GOLGA4: variants seen among roughly 807,000 people sequenced by gnomAD.
GOLGA4 encodes golgin subfamily A member 4.
Under a neutral mutation model 265.9 loss-of-function variants are expected in GOLGA4, and 169 were observed. The observed-to-expected ratio is 0.64, with a 90% CI of 0.56 to 0.72. GOLGA4 has a LOEUF of 0.72. Ranked by LOEUF, GOLGA4 falls within the 30% of genes least tolerant of loss-of-function variation. The pLI, the probability that GOLGA4 is intolerant of heterozygous loss-of-function variation, is 0.00. For synonymous variants in GOLGA4, 923 were observed against 855.8 expected (o/e 1.08, Z -1.37); for missense variants, 2,482 against 2,483.4 (o/e 1.00, Z 0.01).
intron 22 of GOLGA4, among the ~76,000 whole-genome samples, chr3:37,357,645 A>G (rs977463411): frequency 2.0e-5 from 3 of 152,182 alleles, no homozygotes; most frequent in Non-Finnish European, 4.4e-5. Context: ...TCACGAGTAT[A>G]AGAAAGTTGA....
In GOLGA4 at chr3:37,324,190, G is replaced by A. The variant is rs1236043935; in HGVS notation, c.2304G>A (p.Arg768=). Residue 768 remains arginine (R), a synonymous_variant, in exon 14 of 24, where the codon AGG becomes AGA. Coordinates refer to ENST00000361924, the MANE Select transcript of GOLGA4 (RefSeq NM_002078.5). Reference sequence around the variant, plus strand: ...AACTTGAGCTTCTCTTGAAGGAAAGGGACAAGCATTTGAAAGAGCATCAGG... The same window carrying A: ...AACTTGAGCTTCTCTTGAAGGAAAGAGACAAGCATTTGAAAGAGCATCAGG... ...INQLELLLKE[R]DKHLKEHQAH... 6.2e-7 allele frequency: 1 copy of A among 1,614,004 alleles called. No individual in the cohort carries two copies. Among genetic ancestry groups the A allele is most frequent in the African/African-American group, 1.3e-5 (1 of 74,904 alleles).
chr3:37,287,066 CGTG>C (rs1237328562), intron 4 of GOLGA4, among the ~76,000 whole-genome samples: 2 of 152,270 alleles, frequency 1.3e-5, no homozygotes, highest in East Asian at 3.9e-4. Context: ...GTTGGCCAGG[CGTG>C]GTGGCTCACG....
Position 37,272,920 on chromosome 3 carries a change from A to G in GOLGA4, c.163-9038A>G, listed in dbSNP as rs114506669. Among the ~76,000 whole-genome samples, 411 of 152,344 alleles carry G rather than the reference A, an allele frequency of 2.7e-3. 3 individuals carry two copies. Among genetic ancestry groups the G allele is most frequent in the African/African-American group, 9.5e-3 (395 of 41,576 alleles). ...CATCTAGTATCATGAAATCTATGCCAGTATGATGTAATCAGTAGAATGTTG... is the reference window on the plus strand; with the variant it reads ...CATCTAGTATCATGAAATCTATGCCGGTATGATGTAATCAGTAGAATGTTG... On this transcript the variant is annotated intron_variant, in intron 2 of 23. Transcript: ENST00000361924.
rs2096971590 is a variant in GOLGA4, at chr3:37,326,588, C to T, written c.4702C>T (p.His1568Tyr). ...EHKELVQKLQ[H>Y]FQELGEEKDN... The stretch of plus-strand genomic sequence containing the variant: ...CAAAGAATTGGTTCAGAAACTTCAA[C>T]ATTTTCAAGAGTTAGGAGAAGAAAA... Residue 1568 changes from histidine (H) to tyrosine (Y), a missense_variant, in exon 14 of 24, where the codon CAT (histidine) becomes TAT (tyrosine). Physicochemically the swap from His to Tyr is moderately conservative, Grantham distance 83. Transcript: ENST00000361924. 1 of 1,613,134 alleles carries T rather than the reference C, an allele frequency of 6.2e-7. No individual in the cohort carries two copies. Among genetic ancestry groups the T allele is most frequent in the Non-Finnish European group, 8.5e-7 (1 of 1,179,518 alleles).
chr3:37,297,415 CAGAA>C (rs527982766), intron 7 of GOLGA4, among the ~76,000 whole-genome samples: 37 of 152,318 alleles, frequency 2.4e-4, no homozygotes, highest in African/African-American at 8.2e-4. Flanking sequence ...GAACTCCTCT[CAGAA>C]AGAGATTAGA....
At position 37,326,429 on chromosome 3, in the gene GOLGA4, A is replaced by C. The variant is rs767204687; in HGVS notation, c.4543A>C (p.Asn1515His). ...GAGCAAGATGGAGAAAAAGGAGTCT[A>C]ATTTAGAAACAGAGTTAAAGTCTCA... is the stretch of plus-strand genomic sequence containing the variant. The part of the protein sequence containing the change: ...DKSKMEKKES[N>H]LETELKSQTA... The change falls in exon 14 of 24, where the codon AAT (asparagine) becomes CAT (histidine). Residue 1515 changes from asparagine to histidine, a missense_variant. This residue lies in a region of GOLGA4 where 942 missense variants were observed against 983.1 expected (regional missense o/e 0.96). Coordinates refer to ENST00000361924, the MANE Select transcript of GOLGA4 (RefSeq NM_002078.5). The C allele has an allele frequency of 1.2e-6, 2 of 1,612,342 alleles. No homozygotes were observed. The highest frequency in any genetic ancestry group is 2.7e-5 in the African/African-American group (2 of 74,866).
At chr3:37,348,798 G>T (rs2097064319) in intron 21 of GOLGA4, among the ~76,000 whole-genome samples, 2 of 152,132 alleles carry the variant, frequency 1.3e-5, no homozygotes, top group South Asian at 2.1e-4. Flanking sequence ...TCTTCTGAAG[G>T]TTATGAATGT....
intron 3 of GOLGA4, among the ~76,000 whole-genome samples, chr3:37,283,932 A>T (rs1184432403): frequency 6.6e-6 from 1 of 152,160 alleles, no homozygotes; most frequent in Non-Finnish European, 1.5e-5. Context: ...TAACTTGCTT[A>T]TGTTGCCTGG....
At chr3:37,296,348 C>G in intron 7 of GOLGA4, 129 bp downstream of exon 7, 1 of 801,716 alleles carries the variant, frequency 1.2e-6, no homozygotes, top group South Asian at 1.9e-5. Flanking sequence ...GAGTTTGAGA[C>G]CAGCCTGGGC....
chr3:37,282,832 G>GGAAC (rs2096838426), intron 3 of GOLGA4, among the ~76,000 whole-genome samples: 2 of 152,206 alleles, frequency 1.3e-5, no homozygotes, highest in Admixed American at 6.5e-5. Flanking sequence ...GAGGAAGGAA[G>GGAAC]TCAATGCTAG....
At chr3:37,279,690 T>C (rs1303994522) in intron 2 of GOLGA4, among the ~76,000 whole-genome samples, 3 of 152,178 alleles carry the variant, frequency 2.0e-5, no homozygotes, top group South Asian at 4.1e-4. Context: ...GCAGATCACC[T>C]GAGGTCAGGA....
Position 37,329,016 on chromosome 3 carries a change from A to G in GOLGA4, c.6115A>G (p.Asn2039Asp). The change falls in exon 16 of 24, where the codon AAT becomes GAT. Residue 2039 changes from asparagine to aspartate, a missense_variant. This residue lies in a region of GOLGA4 where 942 missense variants were observed against 983.1 expected (regional missense o/e 0.96). Transcript: ENST00000361924. ...TTTAGAAAGCCATCAAGAAGAGACA[A>G]ATCAGTTACTTAAAAAAATTGCTGA... ...ELLESHQEET[N>D]QLLKKIAEKD... 1 of 1,610,992 alleles carries G rather than the reference A, an allele frequency of 6.2e-7. No individual in the cohort carries two copies. Among genetic ancestry groups the G allele is most frequent in the Non-Finnish European group, 8.5e-7 (1 of 1,178,132 alleles).
intron 23 of GOLGA4, among the ~76,000 whole-genome samples, chr3:37,362,430 CGG>C (rs1429272961): frequency 6.6e-6 from 1 of 151,006 alleles, no homozygotes; most frequent in Non-Finnish European, 1.5e-5. Context: ...TTAGTAGAGA[CGG>C]GGTTTCACCG....
chr3:37,361,152 ATC>A, intron 22 of GOLGA4, 89 bp from the exon 23 acceptor site: 1 of 995,292 alleles, frequency 1.0e-6, no homozygotes, highest in Admixed American at 1.7e-5. Context: ...ACAGTCTGTA[ATC>A]CTATGAACTT....
intron 2 of GOLGA4, among the ~76,000 whole-genome samples, chr3:37,268,083 A>T (rs990528960): frequency 6.6e-6 from 1 of 151,968 alleles, no homozygotes; most frequent in Admixed American, 6.6e-5. Context: ...GTTTTTATTT[A>T]TTTATTTATA....
chr3:37,320,315 A>T (rs1211875386), intron 12 of GOLGA4: 1 of 152,234 alleles, frequency 6.6e-6, no homozygotes, highest in Non-Finnish European at 1.5e-5. Context: ...TATTATCCGT[A>T]AGATAATATG....
chr3:37,281,083 A>G (rs1315339324), intron 2 of GOLGA4, among the ~76,000 whole-genome samples: 3 of 152,228 alleles, frequency 2.0e-5, no homozygotes, highest in Non-Finnish European at 2.9e-5. Flanking sequence ...ATGAGCTTCT[A>G]GGAGACATCA....
At chr3:37,277,833 A>G (rs1204289998) in intron 2 of GOLGA4, among the ~76,000 whole-genome samples, 1 of 151,978 alleles carries the variant, frequency 6.6e-6, no homozygotes, top group East Asian at 1.9e-4. Flanking sequence ...TTTTATGCTG[A>G]ATCTGCATTC....
At chr3:37,249,278 G>A (rs1254331083) in intron 1 of GOLGA4, among the ~76,000 whole-genome samples, 1 of 152,182 alleles carries the variant, frequency 6.6e-6, no homozygotes, top group Non-Finnish European at 1.5e-5. Flanking sequence ...TTCCAAGACT[G>A]AGACTAATAC....
Sources: gnomAD v4.1 joint callset for allele counts (sites outside exome capture counted in the v4.1 genomes callset) on GRCh38, gnomAD v4.1.1 for gene constraint, gnomAD v4.1.1 regional missense constraint, MANE v1.5 for transcripts, NCBI Gene and HGNC (gene_info 2026-07-23, HGNC 2026-07-21) for gene names.